Variants in RAD18 observed in about 807,000 individuals in gnomAD.
The protein encoded by RAD18 is RAD18 E3 ubiquitin protein ligase.
Under a neutral mutation model 60.4 loss-of-function variants are expected in RAD18, and 47 were observed. The ratio of observed to expected loss-of-function variants is 0.78; its 90% CI spans 0.62 to 0.99. RAD18 has a LOEUF of 0.99. RAD18 is among the 50% of genes least tolerant of loss of function. RAD18 has a pLI of 0.00. For synonymous variants in RAD18, 225 were observed against 195.5 expected (o/e 1.15, Z -1.26); for missense variants, 640 against 593.3 (o/e 1.08, Z -0.82).
chr3:8,924,646 G>GGAAGTAA (rs1940393541), intron 7 of RAD18, among the ~76,000 whole-genome samples: 1 of 122,032 alleles, frequency 8.2e-6, no homozygotes, highest in African/African-American at 3.1e-5. Context: ...TTCCAAAATT[G>GGAAGTAA]ACCATAGTTG....
At chr3:8,918,021 A>C (rs913972975) in intron 7 of RAD18, among the ~76,000 whole-genome samples, 2 of 152,212 alleles carry the variant, frequency 1.3e-5, no homozygotes, top group African/African-American at 4.8e-5. Context: ...ATCAGGGATA[A>C]AGAGTGAAAT....
intron 9 of RAD18, among the ~76,000 whole-genome samples, chr3:8,910,397 G>A (rs1448783727): frequency 2.6e-5 from 4 of 152,158 alleles, no homozygotes; most frequent in Non-Finnish European, 5.9e-5. Context: ...TCAGGAGATC[G>A]AGACCATCCT....
chr3:8,939,474 G>C (rs1466280715), intron 6 of RAD18, 80 bp downstream of exon 6: 1 of 1,177,124 alleles, frequency 8.5e-7, no homozygotes, highest in Non-Finnish European at 1.2e-6. Context: ...CAGGATAAAA[G>C]GAATACTGTA....
At chr3:8,930,537 G>A (rs1940535056) in intron 7 of RAD18, among the ~76,000 whole-genome samples, 2 of 152,066 alleles carry the variant, frequency 1.3e-5, no homozygotes, top group African/African-American at 4.8e-5. Flanking sequence ...CACTTCAGGT[G>A]GGTATGAATT....
chr3:8,955,813 A>T (rs142095611), intron 2 of RAD18, among the ~76,000 whole-genome samples: 1 of 152,144 alleles, frequency 6.6e-6, no homozygotes, highest in East Asian at 1.9e-4. Flanking sequence ...AGCCCCTAGA[A>T]TCTGCAGTCA....
chr3:8,910,802 T>C (rs1318280989), intron 9 of RAD18, among the ~76,000 whole-genome samples: 1 of 152,164 alleles, frequency 6.6e-6, no homozygotes, highest in Non-Finnish European at 1.5e-5. Flanking sequence ...ATCTTTCATA[T>C]TAGCACATCA....
intron 11 of RAD18, among the ~76,000 whole-genome samples, chr3:8,891,743 G>C (rs541021020): frequency 6.6e-6 from 1 of 152,218 alleles, no homozygotes; most frequent in Admixed American, 6.5e-5. Flanking sequence ...TACAAAATTT[G>C]GGAGGTTCAG....
intron 12 of RAD18, among the ~76,000 whole-genome samples, chr3:8,881,816 A>G (rs1290662423): frequency 6.6e-6 from 1 of 152,260 alleles, no homozygotes; most frequent in African/African-American, 2.4e-5. Context: ...TTGATCCTTC[A>G]GAGACCTGAG....
At chr3:8,904,339 C>T (rs541622651) in intron 9 of RAD18, among the ~76,000 whole-genome samples, 131 of 152,190 alleles carry the variant, frequency 8.6e-4, no homozygotes, top group African/African-American at 2.8e-3. Context: ...TAAATTGTGA[C>T]GCACAAGGAA....
intron 3 of RAD18, 100 bp downstream of exon 3, chr3:8,948,409 A>G: frequency 1.0e-6 from 1 of 964,242 alleles, no homozygotes; most frequent in Non-Finnish European, 1.6e-6. Flanking sequence ...TAATTCAGTA[A>G]CTACACATCA....
At chr3:8,925,336 AT>A (rs1412274174) in intron 7 of RAD18, among the ~76,000 whole-genome samples, 2 of 152,166 alleles carry the variant, frequency 1.3e-5, no homozygotes, top group African/African-American at 4.8e-5. Flanking sequence ...TCCTCGACAC[AT>A]ACACACTCCC....
intron 8 of RAD18, 137 bp from the exon 9 acceptor site, chr3:8,912,509 G>C: frequency 1.8e-6 from 1 of 546,330 alleles, no homozygotes; most frequent in Non-Finnish European, 3.1e-6. Context: ...TATAGACCTA[G>C]GAAGAATCAT....
At position 8,910,580 on chromosome 3, in the gene RAD18, G is replaced by A. The variant is rs1940090153; in HGVS notation, c.1027+1732C>T. ...CCAAGATAGCGCCACTGCACTCCTG[G>A]ACAGAGCGAGCCTCCATCTCAAAAA... On this transcript the variant is annotated intron_variant, in intron 9 of 12. Coordinates refer to ENST00000264926, the MANE Select transcript of RAD18 (RefSeq NM_020165.4). Among the ~76,000 whole-genome samples, 3 of 150,200 alleles carry A rather than the reference G, an allele frequency of 2.0e-5. No homozygotes were observed. The South Asian group carries it at 6.3e-4, about 32-fold the overall frequency.
intron 9 of RAD18, 109 bp from the exon 10 acceptor site, chr3:8,902,629 C>G: frequency 8.9e-7 from 1 of 1,123,310 alleles, no homozygotes; most frequent in East Asian, 2.7e-5. Context: ...TGGTGGCTTA[C>G]GCCTGTAATC....
rs1174207880 is a variant in RAD18, at chr3:8,955,205, G to A, written c.133+3715C>T. On this transcript the variant is annotated intron_variant, in intron 2 of 12. Transcript: ENST00000264926. ...CACTGAGAACAAAAGCAAAGGTCTGGACTAGTACCACACTCACTGGCCAGT... is the reference window on the plus strand; with the variant it reads ...CACTGAGAACAAAAGCAAAGGTCTGAACTAGTACCACACTCACTGGCCAGT... Among the ~76,000 whole-genome samples the A allele has an allele frequency of 3.3e-5, 5 of 152,138 alleles. No individual in the cohort carries two copies. The South Asian group carries it at 1.0e-3, about 32-fold the overall frequency.
At chr3:8,921,411 G>C (rs867849128) in intron 7 of RAD18, among the ~76,000 whole-genome samples, 4 of 152,116 alleles carry the variant, frequency 2.6e-5, no homozygotes, top group Non-Finnish European at 5.9e-5. Flanking sequence ...CTGCACTTTG[G>C]GGGGCTAAAG....
In RAD18 at chr3:8,911,627, A is replaced by C. The variant is rs76390294; in HGVS notation, c.1027+685T>G. On this transcript the variant is annotated intron_variant, in intron 9 of 12. Transcript: ENST00000264926. ...TGTGCTTCATCCTCCCTCCCACAAT[A>C]CATCACTACAGAACCTGGCCCTTCA... is the stretch of plus-strand genomic sequence containing the variant. Among the ~76,000 whole-genome samples the C allele has an allele frequency of 2.0e-3, 307 of 152,144 alleles. 1 individual carries two copies. Among genetic ancestry groups the C allele is most frequent in the Non-Finnish European group, 3.5e-3 (240 of 68,006 alleles).
At chr3:8,922,925 T>C (rs1440259479) in intron 7 of RAD18, among the ~76,000 whole-genome samples, 1 of 152,066 alleles carries the variant, frequency 6.6e-6, no homozygotes, top group Non-Finnish European at 1.5e-5. Context: ...TACGTCACCA[T>C]CATCAAAGAC....
At chr3:8,917,756 T>G (rs766106880) in intron 7 of RAD18, among the ~76,000 whole-genome samples, 1 of 151,812 alleles carries the variant, frequency 6.6e-6, no homozygotes, top group Non-Finnish European at 1.5e-5. Flanking sequence ...CAGCAAGATA[T>G]TAAATTCAAA....
Sources: allele counts gnomAD v4.1 joint callset (sites outside exome capture counted in the v4.1 genomes callset), GRCh38; gene constraint gnomAD v4.1.1; transcripts MANE v1.5; gene names NCBI Gene and HGNC (gene_info 2026-07-23, HGNC 2026-07-21).